Variants in NAV1 observed in about 807,000 individuals in gnomAD.
NAV1 encodes neuron navigator 1.
NAV1 carries 18 observed loss-of-function variants against 175.2 expected under a neutral mutation model. That is an observed-to-expected ratio of 0.10 (90% CI 0.07 to 0.15). The LOEUF is 0.15. Ranked by LOEUF, NAV1 falls within the 10% of genes least tolerant of loss-of-function variation. The pLI is 1.00. For synonymous variants in NAV1, 897 were observed against 978.7 expected (o/e 0.92, Z 1.56); for missense variants, 1,731 against 2,436.6 (o/e 0.71, Z 6.10).
At position 201,593,834 on chromosome 1, in the gene NAV1, T is replaced by C. The variant is rs116100111; in HGVS notation, c.-33+5185T>C. ...CCACTTTCAGTACTATCCCTTCTGC[T>C]TTTGCTCTAGTTGCAGCTGCAGGGA... On this transcript the variant is annotated intron_variant, in intron 2 of 33. Transcript: ENST00000685211. 6.0e-3 allele frequency among the ~76,000 whole-genome samples: 921 copies of C among 152,284 alleles called. 10 individuals are homozygous for C. The highest frequency in any genetic ancestry group is 0.02 in the African/African-American group (825 of 41,542).
intron 2 of NAV1, among the ~76,000 whole-genome samples, chr1:201,642,511 C>CTT (rs1553247033): frequency 4.4e-5 from 2 of 45,552 alleles, no homozygotes; most frequent in Non-Finnish European, 9.6e-5. Flanking sequence ...CGCACCCGGC[C>CTT]TCTTTCTTTC....
At chr1:201,716,282 T>A (rs990660155) in intron 2 of NAV1, among the ~76,000 whole-genome samples, 7 of 152,230 alleles carry the variant, frequency 4.6e-5, no homozygotes, top group Admixed American at 3.9e-4. Flanking sequence ...AAGCACTTAC[T>A]GCACAGGGCG....
At chr1:201,585,606 A>G (rs1169228514) in intron 1 of NAV1, among the ~76,000 whole-genome samples, 1 of 151,616 alleles carries the variant, frequency 6.6e-6, no homozygotes, top group East Asian at 1.9e-4. Context: ...AAAAACTTCT[A>G]CAATTTAACA....
intron 1 of NAV1, among the ~76,000 whole-genome samples, chr1:201,685,005 G>A (rs1425861604): frequency 6.7e-6 from 1 of 149,896 alleles, no homozygotes; most frequent in East Asian, 2.0e-4. Flanking sequence ...GGCCGGGCGC[G>A]GTGGCTTATG....
intron 2 of NAV1, among the ~76,000 whole-genome samples, chr1:201,597,728 T>C (rs1667395630): frequency 6.6e-6 from 1 of 152,218 alleles, no homozygotes; most frequent in Non-Finnish European, 1.5e-5. Context: ...GCCCCCATGC[T>C]CCACCTGCTT....
chr1:201,662,679 T>C (rs979946833), intron 1 of NAV1, among the ~76,000 whole-genome samples: 8 of 152,146 alleles, frequency 5.3e-5, no homozygotes, highest in Non-Finnish European at 1.0e-4. Context: ...TGGCACACCA[T>C]AGATGACCAG....
rs574892712 is a variant in NAV1 at position 201,685,777 on chromosome 1, C to A, written c.758-27040C>A. Among the ~76,000 whole-genome samples the A allele has an allele frequency of 2.0e-5, 3 of 152,290 alleles. No homozygotes were observed. The South Asian group carries it at 6.2e-4, about 32-fold the overall frequency. On this transcript the variant is annotated intron_variant, in intron 1 of 29. Coordinates refer to ENST00000367296, the Ensembl canonical transcript of NAV1. ...TGAGGAGCAGGTCCAGGAAACATAG[C>A]CAGCTAGTGGCAGAGCAAGTAGAAG...
chr1:201,799,878 T>G (rs1261647770), intron 15 of NAV1, among the ~76,000 whole-genome samples: 1 of 151,304 alleles, frequency 6.6e-6, no homozygotes, highest in Non-Finnish European at 1.5e-5. Flanking sequence ...AAAAAAAAAG[T>G]ACTATATAGT....
At chr1:201,602,932 T>C (rs1367337014) in intron 2 of NAV1, among the ~76,000 whole-genome samples, 10 of 152,134 alleles carry the variant, frequency 6.6e-5, no homozygotes, top group Admixed American at 6.5e-4. Context: ...GTTGGTATTA[T>C]TGGAAAAGTC....
chr1:201,634,599 A>C (rs2742278), intron 2 of NAV1, among the ~76,000 whole-genome samples: 1 of 152,182 alleles, frequency 6.6e-6, no homozygotes, highest in Non-Finnish European at 1.5e-5. Context: ...TTTGAAATAG[A>C]AACTGTAGGA....
chr1:201,585,549 A>T (rs528971948), intron 1 of NAV1, among the ~76,000 whole-genome samples: 7 of 152,308 alleles, frequency 4.6e-5, no homozygotes, highest in African/African-American at 1.7e-4. Flanking sequence ...AGGAAAAAAA[A>T]TTTGCAAATC....
chr1:201,543,493 C>T (rs935651677), intron 1 of NAV1, among the ~76,000 whole-genome samples: 3 of 128,898 alleles, frequency 2.3e-5, no homozygotes, highest in Non-Finnish European at 5.7e-5. Flanking sequence ...GGGATAAATC[C>T]CTCTGAATTT....
At chr1:201,664,014 G>A (rs1669717183) in intron 1 of NAV1, among the ~76,000 whole-genome samples, 1 of 152,182 alleles carries the variant, frequency 6.6e-6, no homozygotes, top group Non-Finnish European at 1.5e-5. Flanking sequence ...GTTTGCAGCA[G>A]CTCTGTGTAG....
chr1:201,741,038 C>T (rs1673388459), intron 3 of NAV1, among the ~76,000 whole-genome samples: 1 of 152,052 alleles, frequency 6.6e-6, no homozygotes, highest in Admixed American at 6.5e-5. Context: ...GTGCTGTGGC[C>T]ACTCCCACCT....
chr1:201,687,435 C>T (rs1004238558), intron 1 of NAV1, among the ~76,000 whole-genome samples: 1 of 152,120 alleles, frequency 6.6e-6, no homozygotes, highest in Non-Finnish European at 1.5e-5. Context: ...CAAAAGGGAC[C>T]AGGATGGATG....
intron 2 of NAV1, among the ~76,000 whole-genome samples, chr1:201,616,440 A>T (rs1004480165): frequency 6.6e-6 from 1 of 152,000 alleles, no homozygotes; most frequent in African/African-American, 2.4e-5. Flanking sequence ...TGCCTCACTG[A>T]CAGATCATGA....
At chr1:201,730,274 C>T (rs959617946) in intron 3 of NAV1, among the ~76,000 whole-genome samples, 1 of 152,200 alleles carries the variant, frequency 6.6e-6, no homozygotes, top group Non-Finnish European at 1.5e-5. Context: ...AGACATTCTT[C>T]CCCCCTCCAA....
chr1:201,717,284 G>T (rs1168460533), intron 2 of NAV1, among the ~76,000 whole-genome samples: 1 of 152,206 alleles, frequency 6.6e-6, no homozygotes. Flanking sequence ...TCCAGCCACA[G>T]ATTGCCTCAG....
chr1:201,577,005 T>C (rs1245189949), intron 1 of NAV1, among the ~76,000 whole-genome samples: 1 of 152,200 alleles, frequency 6.6e-6, no homozygotes, highest in Non-Finnish European at 1.5e-5. Flanking sequence ...TTTTGTTTTG[T>C]TTTGAGACAG....
Sources: gnomAD v4.1 joint callset for allele counts (sites outside exome capture counted in the v4.1 genomes callset) on GRCh38, gnomAD v4.1.1 for gene constraint, MANE v1.5 for transcripts, NCBI Gene and HGNC (gene_info 2026-07-23, HGNC 2026-07-21) for gene names.